Variants in SDAD1 observed in about 807,000 individuals in gnomAD.
The protein encoded by SDAD1 is protein SDA1 homolog.
A neutral mutation model predicts 100.3 loss-of-function variants in SDAD1; 79 were observed. The ratio of observed to expected loss-of-function variants is 0.79; its 90% CI spans 0.66 to 0.95. The LOEUF (loss-of-function observed/expected upper bound fraction) is 0.95, where lower values mean the gene tolerates loss of function less well. SDAD1 is among the 40% of genes least tolerant of loss of function. The pLI is 0.00. For missense variants in SDAD1, 790 were observed against 810.9 expected, an observed-to-expected ratio of 0.97 and a Z score of 0.31; for synonymous variants, 267 against 271.4, an observed-to-expected ratio of 0.98 and a Z score of 0.16.
Position 75,955,991 on chromosome 4 carries a change from G to C in SDAD1, c.2000C>G (p.Ser667Cys), listed in dbSNP as rs1728866822. Residue 667 changes from serine to cysteine, a missense_variant, in exon 21 of 22, where the codon TCC (serine) becomes TGC (cysteine). Coordinates refer to ENST00000356260, the MANE Select transcript of SDAD1 (RefSeq NM_018115.4). The part of the protein sequence containing the change: ...SQNVRSKNKR[S>C]FREKQLALRD... The stretch of plus-strand genomic sequence containing the variant: ...GGAACTCACCTGTTTTTCTCGGAAG[G>C]AACGCTTATTTTTTGACCGGACATT... 1.3e-6 allele frequency: 2 copies of C among 1,598,130 alleles called. No individual in the cohort carries two copies. Among genetic ancestry groups the C allele is most frequent in the Non-Finnish European group, 1.7e-6 (2 of 1,176,286 alleles).
intron 1 of SDAD1, among the ~76,000 whole-genome samples, chr4:75,989,063 A>G (rs1228224030): frequency 2.0e-5 from 3 of 152,086 alleles, no homozygotes; most frequent in Non-Finnish European, 4.4e-5. Flanking sequence ...AAACTCTTCA[A>G]TCACTCCCCG....
At position 75,977,715 on chromosome 4, in the gene SDAD1, G is replaced by T; in HGVS notation, c.336C>A (p.Leu112=). The part of the protein sequence containing the change: ...KALILLRNKN[L]INPSSLLELF... ...GTTCTAGCAGGCTTGATGGATTGAT[G>T]AGATTCTTATTTCTCAGCAAGATCA... Residue 112 remains leucine, a synonymous_variant, in exon 4 of 22, where the codon CTC becomes CTA. Coordinates refer to ENST00000356260, the MANE Select transcript of SDAD1 (RefSeq NM_018115.4). The T allele has an allele frequency of 1.2e-5, 19 of 1,613,162 alleles. No individual in the cohort carries two copies. Among genetic ancestry groups the T allele is most frequent in the Non-Finnish European group, 1.5e-5 (18 of 1,179,640 alleles).
At position 75,971,440 on chromosome 4, in the gene SDAD1, T is replaced by G; in HGVS notation, c.730A>C (p.Arg244=). ...SESEDDGPTA[R]DLLVQYATGK... is the part of the protein sequence containing the mutation. ...GTAGCATATTGTACTAGCAGGTCTCTTGCTGTTGGTCCATCATCCTAAAGA... is the reference window on the plus strand; with the variant it reads ...GTAGCATATTGTACTAGCAGGTCTCGTGCTGTTGGTCCATCATCCTAAAGA... The change falls in exon 9 of 22, where the codon AGA becomes CGA. Residue 244 remains arginine (R), a synonymous_variant. Transcript: ENST00000356260. 6.2e-7 allele frequency: 1 copy of G among 1,612,702 alleles called. No individual in the cohort carries two copies. Among genetic ancestry groups the G allele is most frequent in the Non-Finnish European group, 8.5e-7 (1 of 1,179,124 alleles).
At position 75,964,149 on chromosome 4, in the gene SDAD1, T is replaced by A; in HGVS notation, c.1167A>T (p.Glu389Asp). 2 of 1,609,286 alleles carry A rather than the reference T, an allele frequency of 1.2e-6. No individual in the cohort carries two copies. Among genetic ancestry groups the A allele is most frequent in the Non-Finnish European group, 1.7e-6 (2 of 1,177,222 alleles). The change falls in exon 14 of 22, where the codon GAA becomes GAT. Residue 389 changes from glutamate (E) to aspartate (D), a missense_variant. Transcript: ENST00000356260. ...ATTCTACATACCCTACTGTCATGAC[T>A]TCTCCAGAGTTCTTGTCGGTAACAA... ...NNFVTDKNSG[E>D]VMTVGINAIK... is the part of the protein sequence containing the mutation.
chr4:75,986,510 C>T (rs1347769290), intron 1 of SDAD1, among the ~76,000 whole-genome samples: 1 of 152,144 alleles, frequency 6.6e-6, no homozygotes, highest in African/African-American at 2.4e-5. Context: ...TGCCCATATA[C>T]TTTACCTTCT....
At chr4:75,955,458 C>T (rs1033295248) in intron 21 of SDAD1, among the ~76,000 whole-genome samples, 6 of 152,056 alleles carry the variant, frequency 3.9e-5, no homozygotes, top group Non-Finnish European at 7.4e-5. Flanking sequence ...GGCCAGATCC[C>T]GCAATAATCA....
At chr4:75,952,499 T>C (rs1186675669) in intron 21 of SDAD1, among the ~76,000 whole-genome samples, 1 of 152,214 alleles carries the variant, frequency 6.6e-6, no homozygotes, top group East Asian at 1.9e-4. Flanking sequence ...TATGCTTTAC[T>C]TCCCTCTTCT....
chr4:75,981,583 T>C lies in SDAD1; in HGVS notation c.196-113A>G, dbSNP rs1210068658. 23 of 1,538,450 alleles carry C rather than the reference T, an allele frequency of 1.5e-5. No individual in the cohort carries two copies. The East Asian group carries it at 5.1e-4, about 34-fold the overall frequency. ...AGTAAAAGGCTATGTTTCATAGAAG[T>C]AGATGGTTCCAAACAACCTTCTTTT... On this transcript the variant is annotated intron_variant, in intron 2 of 21. Transcript: ENST00000356260.
intron 21 of SDAD1, among the ~76,000 whole-genome samples, chr4:75,954,168 T>G (rs557416367): frequency 2.6e-5 from 4 of 151,778 alleles, no homozygotes; most frequent in Admixed American, 2.0e-4. Flanking sequence ...GATCACGAGG[T>G]CAGGAGATCA....
rs766676807 is a variant in SDAD1 at position 75,975,956 on chromosome 4, T to G, written c.445A>C (p.Asn149His). 1.4e-5 allele frequency: 23 copies of G among 1,605,594 alleles called. No homozygotes were observed. The highest frequency in any genetic ancestry group is 1.8e-5 in the Non-Finnish European group (21 of 1,172,320). The change falls in exon 5 of 22, where the codon AAT becomes CAT. Residue 149 changes from asparagine to histidine, a missense_variant. Coordinates refer to ENST00000356260, the MANE Select transcript of SDAD1 (RefSeq NM_018115.4). ...ACTTTATTGTTCTTGTGTTTTGCAT[T>G]TATATTCTTGATATCAGTCACAATA... ...THIVTDIKNI[N>H]AKHKNNKVNV... is the part of the protein sequence containing the mutation.
At chr4:75,957,474 C>G in intron 19 of SDAD1, 44 bp downstream of exon 19, 1 of 1,611,744 alleles carries the variant, frequency 6.2e-7, no homozygotes, top group African/African-American at 1.3e-5. Flanking sequence ...GCTTTCATTA[C>G]CACATGAGCT....
At chr4:75,968,065 G>A (rs1053920145) in intron 11 of SDAD1, among the ~76,000 whole-genome samples, 1 of 152,134 alleles carries the variant, frequency 6.6e-6, no homozygotes, top group African/African-American at 2.4e-5. Context: ...GAAGTTGCAG[G>A]GAAGACTTTG....
chr4:75,968,760 G>A (rs1269737959), intron 11 of SDAD1, among the ~76,000 whole-genome samples: 4 of 152,186 alleles, frequency 2.6e-5, no homozygotes, highest in Non-Finnish European at 5.9e-5. Context: ...GGCCAGGTGC[G>A]GTGGCTCATG....
intron 7 of SDAD1, among the ~76,000 whole-genome samples, 155 bp downstream of exon 7, chr4:75,973,921 G>A (rs1349114306): frequency 6.6e-6 from 1 of 151,636 alleles, no homozygotes; most frequent in East Asian, 2.0e-4. Context: ...CATGCCTGGT[G>A]TGCAGGCATG....
At chr4:75,968,072 T>C (rs1560544281) in intron 11 of SDAD1, among the ~76,000 whole-genome samples, 1 of 152,192 alleles carries the variant, frequency 6.6e-6, no homozygotes, top group Non-Finnish European at 1.5e-5. Flanking sequence ...CAGGGAAGAC[T>C]TTGGTTGAAC....
chr4:75,966,622 T>A (rs905429384), intron 12 of SDAD1, among the ~76,000 whole-genome samples: 1 of 152,218 alleles, frequency 6.6e-6, no homozygotes, highest in Non-Finnish European at 1.5e-5. Context: ...TGAGAATGCA[T>A]GCAAGGTCAA....
intron 8 of SDAD1, among the ~76,000 whole-genome samples, chr4:75,971,932 T>C (rs960029022): frequency 2.8e-5 from 4 of 144,088 alleles, no homozygotes; most frequent in Non-Finnish European, 4.5e-5. Flanking sequence ...ATTTTCACTG[T>C]AGCACTATTT....
rs1259624321 is a variant in SDAD1, at chr4:75,975,997, T to G, written c.406-2A>C. ...AGTCACAATATGTGTGTATAAAGTCTGAGGAAAAGAAACAAAAATATATAC... is the reference window on the plus strand; with the variant it reads ...AGTCACAATATGTGTGTATAAAGTCGGAGGAAAAGAAACAAAAATATATAC... On this transcript the variant is annotated splice_acceptor_variant, in intron 4 of 21. Coordinates refer to ENST00000356260, the MANE Select transcript of SDAD1 (RefSeq NM_018115.4). LOFTEE classifies it high-confidence loss of function. 1.9e-6 allele frequency: 3 copies of G among 1,587,572 alleles called. No homozygotes were observed. In the African/African-American group the frequency reaches 4.0e-5, roughly 21 times the overall value.
chr4:75,962,246 G>A (rs1235208499), intron 14 of SDAD1, among the ~76,000 whole-genome samples: 1 of 152,184 alleles, frequency 6.6e-6, no homozygotes, highest in Non-Finnish European at 1.5e-5. Context: ...TTTTATGGCT[G>A]CATAGTATTC....
Sources: allele counts gnomAD v4.1 joint callset (sites outside exome capture counted in the v4.1 genomes callset), GRCh38; gene constraint gnomAD v4.1.1; transcripts MANE v1.5; gene names NCBI Gene and HGNC (gene_info 2026-07-23, HGNC 2026-07-21).